The following NDUFA10 variants were observed in gnomAD, a reference collection of about 807,000 sequenced individuals.
NDUFA10 encodes the protein NADH dehydrogenase [ubiquinone] 1 alpha subcomplex subunit 10, mitochondrial.
A neutral mutation model predicts 47.8 loss-of-function variants in NDUFA10; 40 were observed. The ratio of observed to expected loss-of-function variants is 0.84; its 90% confidence interval spans 0.65 to 1.09. NDUFA10 has a LOEUF of 1.09. Ranked by LOEUF, NDUFA10 falls within the 50% of genes least tolerant of loss-of-function variation. The pLI, the probability that NDUFA10 is intolerant of heterozygous loss-of-function variation, is 0.00. For synonymous variants in NDUFA10, 183 were observed against 172.2 expected (o/e 1.06, Z -0.49); for missense variants, 413 against 451.1 (o/e 0.92, Z 0.76).
At chr2:239,923,478 G>A (rs547281170) in intron 4 of NDUFA10, among the ~76,000 whole-genome samples, 88 of 152,128 alleles carry the variant, frequency 5.8e-4, no homozygotes, top group African/African-American at 2.0e-3. Context: ...AAGATAACAG[G>A]AGTATCTCAA....
At chr2:240,009,890 C>T (rs1444147908) in intron 6 of NDUFA10, among the ~76,000 whole-genome samples, 1 of 152,150 alleles carries the variant, frequency 6.6e-6, no homozygotes, top group Admixed American at 6.5e-5. Context: ...TTTAAATATA[C>T]AAGCCCGGGA....
rs1455716892 is a variant in NDUFA10, at chr2:240,010,701, A to T, written c.749+916T>A. Among the ~76,000 whole-genome samples the T allele has an allele frequency of 2.2e-4, 33 of 150,406 alleles. No individual in the cohort carries two copies. The Admixed American group carries it at 2.2e-3, about 10-fold the overall frequency. ...CGTTAATACTTACGGTACAGAAAAA[A>T]CTCCCTGAATAGAACATTTCTCTTA... On this transcript the variant is annotated intron_variant, in intron 6 of 9. Transcript: ENST00000252711.
chr2:239,909,332 G>A (rs1006329512), intron 4 of NDUFA10, among the ~76,000 whole-genome samples: 7 of 152,264 alleles, frequency 4.6e-5, no homozygotes, highest in African/African-American at 1.7e-4. Flanking sequence ...AAATCCCTAG[G>A]CCAGGGACGG....
chr2:239,956,141 C>G (rs997409756), downstream of NDUFA10, among the ~76,000 whole-genome samples: 2 of 152,200 alleles, frequency 1.3e-5, no homozygotes, highest in African/African-American at 4.8e-5. Flanking sequence ...ACATCTGGAC[C>G]CCTCCCACGG....
At chr2:239,972,652 T>C (rs938395342) in intron 9 of NDUFA10, among the ~76,000 whole-genome samples, 17 of 152,228 alleles carry the variant, frequency 1.1e-4, no homozygotes, top group Non-Finnish European at 2.4e-4. Flanking sequence ...TCAAAAACCA[T>C]ATTTTTATTT....
At chr2:239,921,249 G>C (rs2106368144) in intron 4 of NDUFA10, among the ~76,000 whole-genome samples, 1 of 152,230 alleles carries the variant, frequency 6.6e-6, no homozygotes, top group East Asian at 1.9e-4. Flanking sequence ...CTTCTGGTAG[G>C]TTTGTGGTCT....
At position 239,930,175 on chromosome 2, in the gene NDUFA10, G is replaced by A. The variant is rs541993621; in HGVS notation, c.295-34861C>T. ...CCTCCGCTGCCCCTGCTTCTCCACC[G>A]CCCCTGCTCCTCCACCAGCCCTGCT... On this transcript the variant is annotated intron_variant, in intron 4 of 5. Transcript: ENST00000419408. 4.4e-4 allele frequency among the ~76,000 whole-genome samples: 64 copies of A among 144,038 alleles called. 1 individual carries two copies. Among genetic ancestry groups the A allele is most frequent in the African/African-American group, 1.6e-3 (60 of 38,256 alleles). 94.5% of individuals were successfully genotyped at this position (144,038 alleles called of 152,430 possible). A position where few individuals can be genotyped will look rare whatever the true frequency, so the allele number is the denominator to read the frequency against.
At chr2:240,020,269 C>G (rs1559406226) in intron 3 of NDUFA10, among the ~76,000 whole-genome samples, 1 of 152,162 alleles carries the variant, frequency 6.6e-6, no homozygotes, top group Admixed American at 6.5e-5. Context: ...AGAAGCTCAT[C>G]AGGGGCACTG....
At chr2:239,964,744 G>A (rs563831671) in intron 9 of NDUFA10, among the ~76,000 whole-genome samples, 1 of 152,318 alleles carries the variant, frequency 6.6e-6, no homozygotes, top group South Asian at 2.1e-4. Context: ...AAACACGACT[G>A]CCGCAGCCAG....
At chr2:239,990,327 C>A in intron 8 of NDUFA10, 145 bp from the exon 9 acceptor site, 2 of 708,690 alleles carry the variant, frequency 2.8e-6, no homozygotes, top group Non-Finnish European at 5.0e-6. Context: ...ATCATCCCAG[C>A]AGCAAAGCCT....
intron 4 of NDUFA10, among the ~76,000 whole-genome samples, chr2:239,925,991 C>T (rs1244241894): frequency 1.3e-5 from 2 of 152,208 alleles, no homozygotes; most frequent in Non-Finnish European, 2.9e-5. Flanking sequence ...ATAGAGACCA[C>T]ACCAAAGCCT....
intron 9 of NDUFA10, chr2:239,982,198 G>A (rs55992217): frequency 0.013 from 20,678 of 1,612,740 alleles, 183 homozygotes; most frequent in Non-Finnish European, 0.015. Context: ...TGCACAGCCC[G>A]CTGCGGGTAG....
chr2:239,917,859 C>T (rs1184267784), intron 4 of NDUFA10, among the ~76,000 whole-genome samples: 1 of 152,260 alleles, frequency 6.6e-6, no homozygotes, highest in Non-Finnish European at 1.5e-5. Context: ...ATTCCCACAA[C>T]AAGAGCCCCT....
chr2:239,997,194 G>C (rs1224763918), intron 8 of NDUFA10, among the ~76,000 whole-genome samples: 1 of 151,784 alleles, frequency 6.6e-6, no homozygotes, highest in East Asian at 1.9e-4. Context: ...ATAAGCTTAG[G>C]AATCTATAGA....
intron 7 of NDUFA10, among the ~76,000 whole-genome samples, chr2:240,006,509 G>A (rs1055163307): frequency 2.6e-5 from 4 of 152,062 alleles, no homozygotes; most frequent in African/African-American, 9.7e-5. Context: ...TCTGTTACAC[G>A]GGCACCACTC....
intron 4 of NDUFA10, among the ~76,000 whole-genome samples, chr2:239,948,746 C>G (rs778448445): frequency 6.6e-5 from 10 of 152,240 alleles, no homozygotes; most frequent in African/African-American, 2.2e-4. Flanking sequence ...AAATCCAGGC[C>G]TCCAGTGTCT....
chr2:240,007,398 G>C (rs1454684532), intron 6 of NDUFA10, 28 bp from the exon 7 acceptor site: 1 of 1,501,050 alleles, frequency 6.7e-7, no homozygotes, highest in Admixed American at 1.7e-5. Context: ...ATGAAATTCA[G>C]TGTAAACTTT....
In NDUFA10 at chr2:239,967,310, G is replaced by A. The variant is rs774227439; in HGVS notation, c.1000-6124C>T. On this transcript the variant is annotated intron_variant, in intron 9 of 9. Coordinates refer to ENST00000252711, the MANE Select transcript of NDUFA10 (RefSeq NM_004544.4). ...CCTTTTACTGCCTCATGCATGGGTC[G>A]GCAAACTGTAGCCCACAGATCAAAT... Among the ~76,000 whole-genome samples, 17 of 152,244 alleles carry A rather than the reference G, an allele frequency of 1.1e-4. No individual in the cohort carries two copies. The South Asian group carries it at 1.9e-3, about 17-fold the overall frequency.
intron 4 of NDUFA10, among the ~76,000 whole-genome samples, chr2:239,939,649 G>A (rs1384260840): frequency 2.0e-5 from 3 of 152,218 alleles, no homozygotes; most frequent in African/African-American, 7.2e-5. Context: ...TTCCAAATAG[G>A]AAAGGAATTT....
Sources: gnomAD v4.1 joint callset for allele counts (sites outside exome capture counted in the v4.1 genomes callset) on GRCh38, gnomAD v4.1.1 for gene constraint, MANE v1.5 for transcripts, NCBI Gene and HGNC (gene_info 2026-07-23, HGNC 2026-07-21) for gene names.